Variants in SVOPL observed in about 807,000 individuals in gnomAD.
SVOPL encodes SVOP like, also known as putative transporter SVOPL.
Under a neutral mutation model 61.0 loss-of-function variants are expected in SVOPL, and 60 were observed. The ratio of observed to expected loss-of-function variants is 0.98; its 90% CI spans 0.80 to 1.22. SVOPL has a LOEUF of 1.22. SVOPL is among the 50% of genes most tolerant of loss of function. SVOPL has a pLI of 0.00. For synonymous variants in SVOPL, 279 were observed against 250.0 expected (o/e 1.12, Z -1.09); for missense variants, 662 against 643.9 (o/e 1.03, Z -0.30).
chr7:138,597,641 C>CGTGTGTGT lies in SVOPL; in HGVS notation c.1354-1119_1354-1112dup, dbSNP rs60875635. Reference sequence around the variant, plus strand: ...CAAACAGGAGTTTGTATAACGTCTGCGTGTGTGTGTGTGTGTGTGTGTGTG... The same window carrying CGTGTGTGT: ...CAAACAGGAGTTTGTATAACGTCTGCGTGTGTGTGTGTGTGTGTGTGTGTGTGTGTGTG... On this transcript the variant is annotated intron_variant, in intron 14 of 15. Transcript: ENST00000674285. 2.0e-3 allele frequency among the ~76,000 whole-genome samples: 288 copies of CGTGTGTGT among 147,558 alleles called. 1 individual carries two copies. The highest frequency in any genetic ancestry group is 4.6e-3 in the East Asian group (23 of 4,952).
chr7:138,622,266 C>CTATG (rs879915530), intron 13 of SVOPL, among the ~76,000 whole-genome samples: 1 of 86,860 alleles, frequency 1.2e-5, no homozygotes, highest in Non-Finnish European at 2.5e-5. Context: ...ATCTATCTAT[C>CTATG]TATGTATCTA....
chr7:138,660,076 C>T, intron 5 of SVOPL, 88 bp from the exon 6 acceptor site: 49 of 1,514,660 alleles, frequency 3.2e-5, no homozygotes, highest in Non-Finnish European at 4.3e-5. Context: ...TTTCGGTTTC[C>T]ATCCTGATAG....
chr7:138,597,641 C>CGTGTTTGTGT (rs71520006), intron 14 of SVOPL, among the ~76,000 whole-genome samples: 1 of 147,518 alleles, frequency 6.8e-6, no homozygotes, highest in Non-Finnish European at 1.5e-5. Flanking sequence ...ATAACGTCTG[C>CGTGTTTGTGT]GTGTGTGTGT....
rs1268661432 is a variant in SVOPL, at chr7:138,622,294, C to CTATCTATCTATCTATCTATCTATCTATG, written c.1264-1160_1264-1159insCATAGATAGATAGATAGATAGATAGATA. Among the ~76,000 whole-genome samples the CTATCTATCTATCTATCTATCTATCTATG allele has an allele frequency of 8.3e-4, 86 of 103,036 alleles. 8 individuals are homozygous for CTATCTATCTATCTATCTATCTATCTATG. The highest frequency in any genetic ancestry group is 1.4e-3 in the African/African-American group (37 of 27,206). The allele number at this position is 103,036 out of a possible 152,430, so 67.6% of individuals were successfully genotyped here. A position where few individuals can be genotyped will look rare whatever the true frequency, so the allele number is the denominator to read the frequency against. On this transcript the variant is annotated intron_variant, in intron 13 of 15. Coordinates refer to ENST00000674285, the MANE Select transcript of SVOPL (RefSeq NM_001139456.2). The stretch of plus-strand genomic sequence containing the variant: ...TGTATCTATCTATCTATCTATCTAT[C>CTATCTATCTATCTATCTATCTATCTATG]TATCTATCTATCTATCTATCGACAG...
At chr7:138,644,634 C>G (rs1221505369) in intron 9 of SVOPL, 83 bp downstream of exon 9, 1 of 1,541,364 alleles carries the variant, frequency 6.5e-7, no homozygotes, top group Admixed American at 2.0e-5. Flanking sequence ...ACAAGGGTCC[C>G]CCCTCCCTCC....
chr7:138,625,011 G>A (rs1197801570), intron 13 of SVOPL: 2 of 152,070 alleles, frequency 1.3e-5, no homozygotes, highest in Admixed American at 6.6e-5. Flanking sequence ...TGGAACCAAC[G>A]TTTATGGTTA....
At chr7:138,607,506 C>A (rs529557840) in intron 14 of SVOPL, among the ~76,000 whole-genome samples, 2 of 152,224 alleles carry the variant, frequency 1.3e-5, no homozygotes, top group Admixed American at 1.3e-4. Context: ...AGGGAGAGCA[C>A]GGCCAGCAGT....
chr7:138,671,911 A>T, intron 4 of SVOPL, 108 bp downstream of exon 4: 1 of 954,850 alleles, frequency 1.0e-6, no homozygotes, highest in South Asian at 1.6e-5. Context: ...TTTGGAAGCC[A>T]ACAGTGGCAG....
chr7:138,619,561 T>TAAAAAAAAAAAAA (rs11440977), intron 14 of SVOPL, among the ~76,000 whole-genome samples: 1 of 60,302 alleles, frequency 1.7e-5, no homozygotes, highest in Non-Finnish European at 3.0e-5. Flanking sequence ...TCTCAGATGT[T>TAAAAAAAAAAAAA]AAAAAAAAAA....
chr7:138,608,661 T>A (rs1049378882), intron 14 of SVOPL, among the ~76,000 whole-genome samples: 1 of 151,966 alleles, frequency 6.6e-6, no homozygotes, highest in African/African-American at 2.4e-5. Context: ...CTTCCACGTG[T>A]ATGTTATACT....
chr7:138,689,243 T>G (rs1166672019), intron 1 of SVOPL: 1 of 1,544,026 alleles, frequency 6.5e-7, no homozygotes, highest in Admixed American at 1.7e-5. Context: ...AAAAGAGTGC[T>G]GAATTTTTGC....
chr7:138,599,512 G>GCATTGTTTTGTTGCTTTTT, intron 14 of SVOPL, among the ~76,000 whole-genome samples: 1 of 152,202 alleles, frequency 6.6e-6, no homozygotes, highest in African/African-American at 2.4e-5. Context: ...AGCCAGCTAG[G>GCATTGTTTTGTTGCTTTTT]CATTGTTTTG....
chr7:138,658,657 G>A (rs1801860531), intron 6 of SVOPL, among the ~76,000 whole-genome samples: 1 of 152,042 alleles, frequency 6.6e-6, no homozygotes. Flanking sequence ...ACAATGACTA[G>A]CCTTATGAAC....
At chr7:138,675,673 T>C (rs2092988248) in intron 3 of SVOPL, among the ~76,000 whole-genome samples, 1 of 152,030 alleles carries the variant, frequency 6.6e-6, no homozygotes, top group Non-Finnish European at 1.5e-5. Flanking sequence ...CCCTTTCTTA[T>C]ACTTTTTAGC....
intron 5 of SVOPL, chr7:138,660,419 T>C: frequency 3.0e-6 from 3 of 985,896 alleles, no homozygotes; most frequent in Non-Finnish European, 3.6e-6. Flanking sequence ...AAAAGAAAAT[T>C]AAGAAATTGA....
At position 138,649,087 on chromosome 7, in the gene SVOPL, G is replaced by T; in HGVS notation, c.585C>A (p.Ile195=). The T allele has an allele frequency of 6.2e-7, 1 of 1,613,786 alleles. No homozygotes were observed. The highest frequency in any genetic ancestry group is 1.1e-5 in the South Asian group (1 of 91,064). The change falls in exon 8 of 16, where the codon ATC becomes ATA. Residue 195 remains isoleucine, a synonymous_variant. Coordinates refer to ENST00000674285, the MANE Select transcript of SVOPL (RefSeq NM_001139456.2). ...GCCAGCGCCACCCGATGGTGGGGAT[G>T]ATCACAGAGGCCAAGCCAATGATGA... The part of the protein sequence containing the change: ...SLLIIGLASV[I]IPTIGWRWLI...
intron 14 of SVOPL, among the ~76,000 whole-genome samples, chr7:138,609,777 G>A (rs895220261): frequency 6.6e-6 from 1 of 151,904 alleles, no homozygotes; most frequent in Non-Finnish European, 1.5e-5. Flanking sequence ...CTGCTGCCCA[G>A]GATGGAATGC....
At chr7:138,603,953 T>C (rs1004526510) in intron 14 of SVOPL, among the ~76,000 whole-genome samples, 1 of 148,250 alleles carries the variant, frequency 6.7e-6, no homozygotes, top group South Asian at 2.1e-4. Context: ...CCTTAATTTA[T>C]TCTTTTTTTT....
At chr7:138,672,356 C>A (rs1802444048) in intron 3 of SVOPL, among the ~76,000 whole-genome samples, 1 of 152,130 alleles carries the variant, frequency 6.6e-6, no homozygotes, top group Non-Finnish European at 1.5e-5. Flanking sequence ...ATTTGTGACA[C>A]ATATTCACTT....
Sources: gnomAD v4.1 joint callset for allele counts (sites outside exome capture counted in the v4.1 genomes callset) on GRCh38, gnomAD v4.1.1 for gene constraint, MANE v1.5 for transcripts, NCBI Gene and HGNC (gene_info 2026-07-23, HGNC 2026-07-21) for gene names.